ASH1L: variants seen among roughly 807,000 people sequenced by gnomAD.
ASH1L encodes the protein histone-lysine N-methyltransferase ASH1L.
A neutral mutation model predicts 269.0 loss-of-function variants in ASH1L; 23 were observed. The observed-to-expected ratio is 0.09, with a 90% CI of 0.06 to 0.12. The LOEUF is 0.12. ASH1L is among the 10% of genes least tolerant of loss of function. The pLI, the probability that ASH1L is intolerant of heterozygous loss-of-function variation, is 1.00. For synonymous variants in ASH1L, 1,187 were observed against 1,253.5 expected (o/e 0.95, Z 1.12); for missense variants, 2,912 against 3,567.8 (o/e 0.82, Z 4.68).
chr1:155,561,220 T>C (rs1361589667), intron 1 of ASH1L, among the ~76,000 whole-genome samples: 1 of 151,858 alleles, frequency 6.6e-6, no homozygotes, highest in Non-Finnish European at 1.5e-5. Context: ...TTGTAAACTA[T>C]TACTATAAAC....
intron 3 of ASH1L, among the ~76,000 whole-genome samples, chr1:155,471,437 T>C (rs1665089982): frequency 6.6e-6 from 1 of 152,144 alleles, no homozygotes; most frequent in Non-Finnish European, 1.5e-5. Context: ...AACTGAAAAT[T>C]GAATTAAAAA....
chr1:155,549,973 C>A (rs1671082911), intron 1 of ASH1L, among the ~76,000 whole-genome samples: 1 of 152,126 alleles, frequency 6.6e-6, no homozygotes, highest in Admixed American at 6.6e-5. Flanking sequence ...CAAATCCACC[C>A]ACCAGTACAC....
At chr1:155,384,193 T>C (rs1159065023) in intron 7 of ASH1L, among the ~76,000 whole-genome samples, 3 of 152,204 alleles carry the variant, frequency 2.0e-5, no homozygotes, top group Non-Finnish European at 4.4e-5. Context: ...TAAAATTGTT[T>C]CCTTTCTGTT....
chr1:155,451,403 C>T (rs1405094416), intron 4 of ASH1L, among the ~76,000 whole-genome samples: 3 of 151,994 alleles, frequency 2.0e-5, no homozygotes, highest in Non-Finnish European at 4.4e-5. Flanking sequence ...AAAAAAGTTA[C>T]GGAGATTGGT....
intron 15 of ASH1L, 43 bp from the exon 16 acceptor site, chr1:155,354,673 A>G: frequency 1.3e-6 from 2 of 1,576,134 alleles, no homozygotes; most frequent in Non-Finnish European, 1.7e-6. Flanking sequence ...CATTAATTAA[A>G]TAAGCATGTA....
chr1:155,483,891 GA>G (rs1337967309), intron 2 of ASH1L, among the ~76,000 whole-genome samples: 1 of 151,976 alleles, frequency 6.6e-6, no homozygotes, highest in South Asian at 2.1e-4. Context: ...ATTATTAAAT[GA>G]AAAAAAGCAA....
chr1:155,370,702 A>G, intron 11 of ASH1L, 52 bp from the exon 12 acceptor site: 1 of 1,611,982 alleles, frequency 6.2e-7, no homozygotes, highest in African/African-American at 1.3e-5. Context: ...CTGAAAGTAA[A>G]TTTCACATCT....
chr1:155,422,951 C>CTT (rs71080703), intron 5 of ASH1L, among the ~76,000 whole-genome samples: 9 of 122,268 alleles, frequency 7.4e-5, no homozygotes, highest in South Asian at 5.3e-4. Context: ...GCTGGCCTTT[C>CTT]TTTTTTTTTT....
At chr1:155,482,538 C>G in intron 2 of ASH1L, 89 bp from the exon 3 acceptor site, 1 of 1,339,914 alleles carries the variant, frequency 7.5e-7, no homozygotes, top group Non-Finnish European at 1.0e-6. Context: ...TAATGGATCA[C>G]ATATCAGATA....
intron 1 of ASH1L, among the ~76,000 whole-genome samples, chr1:155,529,316 T>C (rs1026567130): frequency 6.6e-6 from 1 of 151,942 alleles, no homozygotes; most frequent in African/African-American, 2.4e-5. Context: ...CAATAGTGTA[T>C]AAGCACTCCT....
At chr1:155,487,650 C>T (rs576902449) in intron 2 of ASH1L, among the ~76,000 whole-genome samples, 104 of 152,148 alleles carry the variant, frequency 6.8e-4, no homozygotes, top group Admixed American at 4.0e-3. Context: ...TCCCAAAGTG[C>T]TGGGATTACA....
intron 5 of ASH1L, among the ~76,000 whole-genome samples, chr1:155,424,781 T>C (rs2148574619): frequency 6.6e-6 from 1 of 152,292 alleles, no homozygotes; most frequent in African/African-American, 2.4e-5. Flanking sequence ...GCGTCATGTA[T>C]AGTTTGTGTT....
intron 1 of ASH1L, among the ~76,000 whole-genome samples, chr1:155,523,847 G>A (rs548766891): frequency 2.8e-4 from 43 of 152,190 alleles, no homozygotes; most frequent in Middle Eastern, 3.4e-3. Context: ...CTCCAGGCCA[G>A]GTGACAGAGC....
At chr1:155,361,107 C>A (rs577149661) in intron 12 of ASH1L, among the ~76,000 whole-genome samples, 10 of 152,066 alleles carry the variant, frequency 6.6e-5, no homozygotes, top group Non-Finnish European at 1.0e-4. Flanking sequence ...GGCGAGGCCA[C>A]ATGCAGTGGC....
At chr1:155,399,361 G>A (rs1432791921) in intron 6 of ASH1L, among the ~76,000 whole-genome samples, 2 of 152,194 alleles carry the variant, frequency 1.3e-5, no homozygotes, top group African/African-American at 4.8e-5. Flanking sequence ...CGGGAGCAGT[G>A]GCTCACATAT....
chr1:155,469,969 A>G (rs1034497944), intron 3 of ASH1L, among the ~76,000 whole-genome samples: 3 of 152,184 alleles, frequency 2.0e-5, no homozygotes, highest in African/African-American at 7.2e-5. Flanking sequence ...CTTGGGTCCC[A>G]TATCAAACCA....
At chr1:155,553,409 C>T (rs1490504383) in intron 1 of ASH1L, among the ~76,000 whole-genome samples, 2 of 152,126 alleles carry the variant, frequency 1.3e-5, no homozygotes, top group African/African-American at 2.4e-5. Flanking sequence ...ATATTTCCAT[C>T]TTTATTTGAT....
At chr1:155,350,692 G>A (rs1653816379) in intron 17 of ASH1L, among the ~76,000 whole-genome samples, 1 of 152,118 alleles carries the variant, frequency 6.6e-6, no homozygotes, top group South Asian at 2.1e-4. Context: ...AGAGGTCAAG[G>A]CGGGCAGATC....
chr1:155,351,215 A>G (rs1358773498), intron 17 of ASH1L, among the ~76,000 whole-genome samples: 1 of 151,130 alleles, frequency 6.6e-6, no homozygotes, highest in Non-Finnish European at 1.5e-5. Flanking sequence ...ACTGCACTCC[A>G]GCCTGGGCAA....
Sources: gnomAD v4.1 joint callset for allele counts (sites outside exome capture counted in the v4.1 genomes callset) on GRCh38, gnomAD v4.1.1 for gene constraint, MANE v1.5 for transcripts, NCBI Gene and HGNC (gene_info 2026-07-23, HGNC 2026-07-21) for gene names.